EBF4: variants seen among roughly 807,000 people sequenced by gnomAD.
EBF4 encodes the protein transcription factor COE4.
In EBF4, 34 loss-of-function variants were observed where a neutral mutation model predicts 67.1. That is an observed-to-expected ratio of 0.51 (90% confidence interval 0.39 to 0.67). EBF4 has a LOEUF of 0.67. Ranked by LOEUF, EBF4 falls within the 30% of genes least tolerant of loss-of-function variation. EBF4 has a pLI of 0.00. For missense variants in EBF4, 837 were observed against 873.3 expected (o/e 0.96, Z 0.52); for synonymous variants, 387 against 377.7 (o/e 1.02, Z -0.29).
At chr20:2,725,321 A>G (rs1254385453) in intron 6 of EBF4, among the ~76,000 whole-genome samples, 9 of 152,052 alleles carry the variant, frequency 5.9e-5, no homozygotes, top group Non-Finnish European at 1.0e-4. Context: ...TTATTTCTTT[A>G]GCTGTATCTA....
rs1357287865 is a variant in EBF4, at chr20:2,696,698, G to T, written c.137+2916G>T. ...TATTGAAACAATCCCTCTGCCCTCA[G>T]CACCCGCACATCCCCTGGATTAAGT... On this transcript the variant is annotated intron_variant, in intron 1 of 16. Transcript: ENST00000609451. This position sits in a 1 kb window ranked among gnomAD's most constrained non-coding sequence, Gnocchi z 4.7. 2.0e-5 allele frequency among the ~76,000 whole-genome samples: 3 copies of T among 152,184 alleles called. No individual in the cohort carries two copies. Among genetic ancestry groups the T allele is most frequent in the Non-Finnish European group, 4.4e-5 (3 of 67,986 alleles).
intron 1 of EBF4, among the ~76,000 whole-genome samples, chr20:2,702,974 G>A (rs930186712): frequency 2.6e-5 from 4 of 152,136 alleles, no homozygotes; most frequent in African/African-American, 9.7e-5. Flanking sequence ...CCGTAGTCAG[G>A]TAAGCAGGGT....
intron 6 of EBF4, among the ~76,000 whole-genome samples, chr20:2,733,913 G>A (rs113772477): frequency 0.022 from 3,349 of 151,688 alleles, 79 homozygotes; most frequent in Middle Eastern, 0.073. Flanking sequence ...CCCGTGGGTC[G>A]CAGGTTAGAG....
rs964246654 is a variant in EBF4 at position 2,729,049 on chromosome 20, AATATAACTAT to A, written c.557+19411_557+19420del. On this transcript the variant is annotated intron_variant, in intron 6 of 16. Coordinates refer to ENST00000609451, the Ensembl canonical transcript of EBF4. ...TTACTTAATAAATTAATAAAGTGTG[AATATAACTAT>A]ATAACCATTTTAAAATGTTTTTTGA... Among the ~76,000 whole-genome samples, 365 of 152,318 alleles carry A rather than the reference AATATAACTAT, an allele frequency of 2.4e-3. 2 individuals carry two copies. Among genetic ancestry groups the A allele is most frequent in the African/African-American group, 8.3e-3 (343 of 41,574 alleles).
intron 15 of EBF4, among the ~76,000 whole-genome samples, chr20:2,757,073 G>A (rs937308970): frequency 6.6e-6 from 1 of 152,142 alleles, no homozygotes; most frequent in Non-Finnish European, 1.5e-5. Context: ...CCAGTGGCTT[G>A]GGCCCCAGAA....
upstream of EBF4, chr20:2,692,998 GGGCGCT>G (rs544290355): frequency 0.96 from 142,079 of 147,778 alleles, 68,345 homozygotes; most frequent in East Asian, 1. This position sits in a 1 kb window ranked among gnomAD's most constrained non-coding sequence, Gnocchi z 6.4. Context: ...GGGGCACGCG[GGGCGCT>G]GGCGCTGGCG....
At chr20:2,750,073 T>A in intron 10 of EBF4, 100 bp downstream of exon 10, 1 of 1,444,408 alleles carries the variant, frequency 6.9e-7, no homozygotes, top group African/African-American at 1.4e-5. Context: ...AGCCGAGCTC[T>A]ACGCTGTGGC....
At position 2,752,167 on chromosome 20, in the gene EBF4, GC is replaced by G; in HGVS notation, c.1259del (p.Pro420ArgfsTer127). On this transcript the variant is annotated frameshift_variant, in exon 13 of 17. Coordinates refer to ENST00000609451, the Ensembl canonical transcript of EBF4. LOFTEE classifies it high-confidence loss of function. ...CGCACCCGGGCCGCTCGCACCCCTGGCCCCGAGCCACCCACACCCCGCCGTC... is the reference window on the plus strand; with the variant it reads ...CGCACCCGGGCCGCTCGCACCCCTGGCCCGAGCCACCCACACCCCGCCGTC... 1.4e-6 allele frequency: 2 copies of G among 1,444,978 alleles called. No individual in the cohort carries two copies. Among genetic ancestry groups the G allele is most frequent in the Admixed American group, 2.5e-5 (1 of 39,596 alleles). The allele number at this position is 1,444,978 out of a possible 1,614,324, so 89.5% of individuals were successfully genotyped here. A position where few individuals can be genotyped will look rare whatever the true frequency, so the allele number is the denominator to read the frequency against.
intron 9 of EBF4, 25 bp downstream of exon 9, chr20:2,749,778 T>C (rs1431650001): frequency 6.5e-7 from 1 of 1,540,532 alleles, no homozygotes. Context: ...CCAGTCTCCC[T>C]CTGGGCCTAG....
intron 6 of EBF4, among the ~76,000 whole-genome samples, chr20:2,738,905 C>T (rs938954689): frequency 3.9e-5 from 6 of 152,190 alleles, no homozygotes; most frequent in African/African-American, 2.4e-5. Flanking sequence ...GGTGCGGGTG[C>T]ATTGGCATGC....
intron 6 of EBF4, among the ~76,000 whole-genome samples, chr20:2,742,827 G>A (rs2087987789): frequency 6.6e-6 from 1 of 152,164 alleles, no homozygotes; most frequent in African/African-American, 2.4e-5. Context: ...GAGGTGGGGG[G>A]TGGTTCCATG....
intron 6 of EBF4, among the ~76,000 whole-genome samples, chr20:2,740,192 A>G (rs1344747779): frequency 6.6e-6 from 1 of 152,204 alleles, no homozygotes; most frequent in African/African-American, 2.4e-5. Context: ...AGTCGCCTTT[A>G]GTCCCAGCTA....
At chr20:2,715,674 AT>A (rs1202760162) in intron 6 of EBF4, among the ~76,000 whole-genome samples, 1 of 152,198 alleles carries the variant, frequency 6.6e-6, no homozygotes, top group Non-Finnish European at 1.5e-5. Flanking sequence ...TGTACAGGGC[AT>A]TTTGTGATGG....
intron 6 of EBF4, among the ~76,000 whole-genome samples, chr20:2,713,953 A>T (rs577400645): frequency 1.3e-5 from 2 of 152,330 alleles, no homozygotes; most frequent in Non-Finnish European, 2.9e-5. Flanking sequence ...AGTGCATTGG[A>T]ATAATTATCT....
intron 6 of EBF4, among the ~76,000 whole-genome samples, chr20:2,748,070 T>C (rs772562529): frequency 5.9e-5 from 9 of 152,134 alleles, no homozygotes; most frequent in Non-Finnish European, 1.2e-4. Flanking sequence ...GTATAACAGA[T>C]GTGCTATATG....
intron 6 of EBF4, among the ~76,000 whole-genome samples, chr20:2,737,817 G>GAA (rs5839969): frequency 1.1e-4 from 16 of 143,794 alleles, no homozygotes; most frequent in East Asian, 1.0e-3. Context: ...CTAAAAATGT[G>GAA]AAAAAAAAAA....
intron 6 of EBF4, among the ~76,000 whole-genome samples, chr20:2,744,170 T>C (rs1282187463): frequency 6.6e-6 from 1 of 151,248 alleles, no homozygotes; most frequent in Non-Finnish European, 1.5e-5. Flanking sequence ...AACCTCCGCC[T>C]CCCGGGTTCA....
chr20:2,725,789 A>G (rs1187170553), intron 6 of EBF4, among the ~76,000 whole-genome samples: 1 of 152,164 alleles, frequency 6.6e-6, no homozygotes, highest in Non-Finnish European at 1.5e-5. Flanking sequence ...GGTGGTTCCT[A>G]TTCTCCATCC....
chr20:2,712,639 A>T (rs539441335), intron 6 of EBF4, among the ~76,000 whole-genome samples: 27 of 152,320 alleles, frequency 1.8e-4, no homozygotes, highest in Admixed American at 7.8e-4. Context: ...CAGGCTGCAG[A>T]TGTAAATTTG....
Sources: allele counts gnomAD v4.1 joint callset (sites outside exome capture counted in the v4.1 genomes callset), GRCh38; gene constraint gnomAD v4.1.1; non-coding constraint Gnocchi (gnomAD v3.1); transcripts MANE v1.5; gene names NCBI Gene and HGNC (gene_info 2026-07-23, HGNC 2026-07-21).